Variants in AHNAK observed in about 807,000 individuals in gnomAD.
AHNAK encodes neuroblast differentiation-associated protein AHNAK.
Under a neutral mutation model 37.8 loss-of-function variants are expected in AHNAK, and 23 were observed. The ratio of observed to expected loss-of-function variants is 0.61; its 90% CI spans 0.44 to 0.86. The LOEUF (loss-of-function observed/expected upper bound fraction) is 0.86. Ranked by LOEUF, AHNAK falls within the 40% of genes least tolerant of loss-of-function variation. AHNAK has a pLI of 0.00. For synonymous variants in AHNAK, 2,481 were observed against 2,636.3 expected, an observed-to-expected ratio of 0.94 and a Z score of 1.80; for missense variants, 7,411 against 7,319.4, an observed-to-expected ratio of 1.01 and a Z score of -0.46.
chr11:62,499,019 C>T (rs1381304021), intron 4 of AHNAK, among the ~76,000 whole-genome samples: 1 of 152,146 alleles, frequency 6.6e-6, no homozygotes, highest in Non-Finnish European at 1.5e-5. Flanking sequence ...GCCTATATTC[C>T]AGCGGACTTT....
chr11:62,532,005 G>A lies in AHNAK; in HGVS notation c.2412C>T (p.Pro804=). Residue 804 remains proline, a synonymous_variant, in exon 5 of 5, where the codon CCC becomes CCT. Coordinates refer to ENST00000378024, the MANE Select transcript of AHNAK (RefSeq NM_001620.3). ...IEEPEGKLKG[P]KFKMPEMNIK... ...TGTTCATCTCAGGCATCTTAAACTTGGGCCCTTTCAATTTCCCTTCTGGTT... is the reference window on the plus strand; with the variant it reads ...TGTTCATCTCAGGCATCTTAAACTTAGGCCCTTTCAATTTCCCTTCTGGTT... 1 of 1,613,914 alleles carries A rather than the reference G, an allele frequency of 6.2e-7. No individual in the cohort carries two copies. Among genetic ancestry groups the A allele is most frequent in the Non-Finnish European group, 8.5e-7 (1 of 1,180,006 alleles).
At chr11:62,464,414 T>C (rs1249181256) in intron 5 of AHNAK, among the ~76,000 whole-genome samples, 1 of 151,204 alleles carries the variant, frequency 6.6e-6, no homozygotes, top group Non-Finnish European at 1.5e-5. Flanking sequence ...ACGCCTGTAA[T>C]CCCAGCACTT....
chr11:62,455,731 G>A (rs1379831663), intron 5 of AHNAK, among the ~76,000 whole-genome samples: 1 of 151,670 alleles, frequency 6.6e-6, no homozygotes, highest in African/African-American at 2.4e-5. Context: ...TGGGCATGGT[G>A]GCGGGCACTT....
intron 4 of AHNAK, among the ~76,000 whole-genome samples, chr11:62,508,587 A>C (rs1019395937): frequency 6.6e-6 from 1 of 152,248 alleles, no homozygotes; most frequent in Non-Finnish European, 1.5e-5. Flanking sequence ...GGTGGAAAAT[A>C]ACAGAGGCAT....
rs372710026 is a variant in AHNAK, at chr11:62,529,074, G to C, written c.5343C>G (p.Val1781=). ...MPKLNIKAPK[V]SMPDVDLNLK... is the part of the protein sequence containing the mutation. ...AATTCAAGTCCACATCTGGCATGGA[G>C]ACCTTGGGAGCTTTTATATTCAACT... The change falls in exon 5 of 5, where the codon GTC becomes GTG. Residue 1781 remains valine (V), a synonymous_variant. Coordinates refer to ENST00000378024, the MANE Select transcript of AHNAK (RefSeq NM_001620.3). 3.8e-5 allele frequency: 62 copies of C among 1,614,084 alleles called. No individual in the cohort carries two copies. Among genetic ancestry groups the C allele is most frequent in the Non-Finnish European group, 4.7e-5 (55 of 1,180,046 alleles).
chr11:62,523,892 T>C lies in AHNAK; in HGVS notation c.10525A>G (p.Ser3509Gly), dbSNP rs1236063037. ...AGATCTGGGCCCTCAATGTTCATAC[T>C]TGGGCCCTCTATGTTGATGTCTCCT... The part of the protein sequence containing the change: ...PKGDINIEGP[S>G]MNIEGPDLNV... The change falls in exon 5 of 5, where the codon AGT (serine) becomes GGT (glycine). Residue 3509 changes from serine to glycine, a missense_variant. Coordinates refer to ENST00000378024, the MANE Select transcript of AHNAK (RefSeq NM_001620.3). The C allele has an allele frequency of 7.4e-6, 12 of 1,614,022 alleles. No individual in the cohort carries two copies. The highest frequency in any genetic ancestry group is 1.1e-5 in the South Asian group (1 of 91,086).
chr11:62,484,230 T>A (rs1313732492), intron 5 of AHNAK, among the ~76,000 whole-genome samples: 1 of 150,622 alleles, frequency 6.6e-6, no homozygotes, highest in Admixed American at 6.6e-5. Flanking sequence ...AATTTTTTTT[T>A]AATTAGCTGG....
intron 4 of AHNAK, among the ~76,000 whole-genome samples, chr11:62,492,745 G>A (rs1361090550): frequency 1.3e-5 from 2 of 151,554 alleles, no homozygotes; most frequent in Non-Finnish European, 2.9e-5. Flanking sequence ...AGGTGTGGTG[G>A]CACACAACCG....
chr11:62,450,473 G>A (rs941647245), intron 5 of AHNAK, among the ~76,000 whole-genome samples: 11 of 152,134 alleles, frequency 7.2e-5, no homozygotes, highest in Non-Finnish European at 1.6e-4. Flanking sequence ...GATTAAAGGT[G>A]TGAGCCACCA....
Position 62,527,319 on chromosome 11 carries a change from A to T in AHNAK, c.7098T>A (p.Asn2366Lys), listed in dbSNP as rs527248458. The change falls in exon 5 of 5, where the codon AAT becomes AAA. Residue 2366 changes from asparagine (N) to lysine (K), a missense_variant. Asn to Lys is a moderately conservative substitution (Grantham distance 94). Coordinates refer to ENST00000378024, the MANE Select transcript of AHNAK (RefSeq NM_001620.3). ...DMPEVAVEGP[N>K]GKWKTPKFKM... ...TGAACTTAGGAGTTTTCCACTTGCC[A>T]TTTGGGCCTTCCACAGCTACTTCTG... The T allele has an allele frequency of 6.2e-7, 1 of 1,613,736 alleles. No homozygotes were observed. The highest frequency in any genetic ancestry group is 1.1e-5 in the South Asian group (1 of 91,026).
At chr11:62,466,244 C>T (rs1042370546) in intron 5 of AHNAK, among the ~76,000 whole-genome samples, 2 of 151,984 alleles carry the variant, frequency 1.3e-5, no homozygotes, top group Admixed American at 6.6e-5. Context: ...CACTTGAACC[C>T]GGGAGTTGGA....
chr11:62,486,405 G>A (rs1329371242), intron 5 of AHNAK, among the ~76,000 whole-genome samples: 3 of 152,004 alleles, frequency 2.0e-5, no homozygotes, highest in Non-Finnish European at 2.9e-5. Flanking sequence ...CCCAGGAGGC[G>A]GACGTTGCGG....
chr11:62,542,606 A>C (rs1334781522), intron 1 of AHNAK, among the ~76,000 whole-genome samples: 1 of 152,136 alleles, frequency 6.6e-6, no homozygotes, highest in Non-Finnish European at 1.5e-5. Flanking sequence ...TGAGCTTGGA[A>C]GCCCTGAAGC....
chr11:62,444,757 G>A (rs1938389904), intron 5 of AHNAK, among the ~76,000 whole-genome samples: 1 of 152,250 alleles, frequency 6.6e-6, no homozygotes, highest in South Asian at 2.1e-4. Context: ...CTGGGCAGAT[G>A]TGATGGCACA....
intron 5 of AHNAK, among the ~76,000 whole-genome samples, chr11:62,466,117 C>G (rs548636406): frequency 4.6e-5 from 7 of 152,036 alleles, no homozygotes; most frequent in African/African-American, 1.7e-4. Context: ...GCCAGGAGTT[C>G]GAGATCAGCC....
At chr11:62,457,752 T>A (rs1938692507) in intron 5 of AHNAK, among the ~76,000 whole-genome samples, 1 of 151,910 alleles carries the variant, frequency 6.6e-6, no homozygotes, top group Non-Finnish European at 1.5e-5. Context: ...GACATAAACA[T>A]GGGAACAAGA....
chr11:62,481,191 T>C lies in AHNAK; in HGVS notation c.442+10541A>G, dbSNP rs141218484. Among the ~76,000 whole-genome samples the C allele has an allele frequency of 7.0e-3, 1,060 of 151,710 alleles. 4 individuals are homozygous for C. The highest frequency in any genetic ancestry group is 0.014 in the Middle Eastern group (4 of 294). The stretch of plus-strand genomic sequence containing the variant: ...CGCAGTCACGGCTCACTGCAACCTC[T>C]GCCTCCCGAGTTCAAGCAGTTCTCC... On this transcript the variant is annotated intron_variant, in intron 5 of 5. Transcript: ENST00000257247.
intron 5 of AHNAK, among the ~76,000 whole-genome samples, chr11:62,438,075 A>G (rs1367628187): frequency 1.3e-5 from 2 of 151,198 alleles, no homozygotes; most frequent in Non-Finnish European, 2.9e-5. Flanking sequence ...TTCCCAGCGC[A>G]TTTGCATTTT....
At chr11:62,435,472 G>T (rs1222192255) in intron 5 of AHNAK, among the ~76,000 whole-genome samples, 4 of 151,840 alleles carry the variant, frequency 2.6e-5, no homozygotes, top group African/African-American at 7.3e-5. Flanking sequence ...ATGCAGTGGC[G>T]CGATCTTGGC....
Sources: allele counts gnomAD v4.1 joint callset (sites outside exome capture counted in the v4.1 genomes callset), GRCh38; gene constraint gnomAD v4.1.1; transcripts MANE v1.5; gene names NCBI Gene and HGNC (gene_info 2026-07-23, HGNC 2026-07-21).